Variants in PDE11A observed in about 807,000 individuals in gnomAD.
PDE11A encodes dual 3',5'-cyclic-AMP and -GMP phosphodiesterase 11A.
A neutral mutation model predicts 100.5 loss-of-function variants in PDE11A; 100 were observed. That is an observed-to-expected ratio of 1.00 (90% CI 0.85 to 1.18). The LOEUF is 1.18. Among genes scored for constraint, PDE11A ranks in the 50% most tolerant of loss-of-function variants. The pLI is 0.00. For missense variants in PDE11A, 1,141 were observed against 1,152.6 expected (o/e 0.99, Z 0.15); for synonymous variants, 381 against 420.8 (o/e 0.91, Z 1.16).
Position 177,957,497 on chromosome 2 carries a change from A to T in PDE11A, c.1072-52310T>A, listed in dbSNP as rs568060434. ...AAATCCCATTATGTAGTACATTGTGATTTTTAAACCATTTTTGTCTGGAAA... is the reference window on the plus strand; with the variant it reads ...AAATCCCATTATGTAGTACATTGTGTTTTTTAAACCATTTTTGTCTGGAAA... On this transcript the variant is annotated intron_variant, in intron 2 of 19. Transcript: ENST00000286063. Among the ~76,000 whole-genome samples the T allele has an allele frequency of 2.0e-5, 3 of 152,304 alleles. No individual in the cohort carries two copies. In the South Asian group the frequency reaches 6.2e-4, roughly 32 times the overall value.
chr2:177,883,192 C>A (rs1433952459), intron 4 of PDE11A, among the ~76,000 whole-genome samples: 1 of 151,344 alleles, frequency 6.6e-6, no homozygotes, highest in Non-Finnish European at 1.5e-5. Context: ...TCGTTTGAAT[C>A]TGGGAAGTGG....
At chr2:177,868,666 G>A (rs189533151) in intron 5 of PDE11A, among the ~76,000 whole-genome samples, 1 of 152,232 alleles carries the variant, frequency 6.6e-6, no homozygotes, top group East Asian at 1.9e-4. Flanking sequence ...AAGCCATCAG[G>A]ATATTAATGA....
intron 19 of PDE11A, among the ~76,000 whole-genome samples, chr2:177,641,768 C>T (rs2080147509): frequency 6.6e-6 from 1 of 152,134 alleles, no homozygotes; most frequent in Non-Finnish European, 1.5e-5. Context: ...TAAGCATTCA[C>T]ATTAAAGATA....
At position 177,889,653 on chromosome 2, in the gene PDE11A, A is replaced by G. The variant is rs79335159; in HGVS notation, c.1302+8405T>C. 3.3e-3 allele frequency among the ~76,000 whole-genome samples: 488 copies of G among 150,052 alleles called. 7 individuals carry two copies. The highest frequency in any genetic ancestry group is 0.014 in the East Asian group (73 of 5,106). On this transcript the variant is annotated intron_variant, in intron 4 of 19. Coordinates refer to ENST00000286063, the MANE Select transcript of PDE11A (RefSeq NM_016953.4). ...TTTGTGTGCCTAAAAGTATTTTAGA[A>G]GTATTATTTCTTCTTGTTTTTAATC...
intron 12 of PDE11A, among the ~76,000 whole-genome samples, chr2:177,715,131 T>C (rs2081418021): frequency 6.6e-6 from 1 of 152,236 alleles, no homozygotes; most frequent in African/African-American, 2.4e-5. Flanking sequence ...TTCGAGGATT[T>C]GCATGACTGA....
At chr2:177,723,204 G>T (rs1457977332) in intron 12 of PDE11A, 7 of 152,228 alleles carry the variant, frequency 4.6e-5, no homozygotes, top group Admixed American at 1.3e-4. Context: ...CCTCAAGCTG[G>T]TAAATAGGAT....
intron 1 of PDE11A, among the ~76,000 whole-genome samples, chr2:178,061,475 G>A (rs2086968821): frequency 6.6e-6 from 1 of 152,088 alleles, no homozygotes; most frequent in Non-Finnish European, 1.5e-5. Flanking sequence ...TCAGTCTTGA[G>A]ACAAAATAAA....
In PDE11A at chr2:177,820,309, A is replaced by G. The variant is rs778900996; in HGVS notation, c.1501-14T>C. The stretch of plus-strand genomic sequence containing the variant: ...TATCTGGTCTGCCTAGGAAACAAGA[A>G]AGAAGTTAATTAAAATTGAATATTA... On this transcript the variant is annotated splice_polypyrimidine_tract_variant and intron_variant, in intron 6 of 19. Transcript: ENST00000286063. 4.5e-5 allele frequency: 65 copies of G among 1,455,030 alleles called. No individual in the cohort carries two copies. The highest frequency in any genetic ancestry group is 5.6e-5 in the Non-Finnish European group (58 of 1,036,688). 90.1% of individuals were successfully genotyped at this position (1,455,030 alleles called of 1,614,324 possible). A position where few individuals can be genotyped will look rare whatever the true frequency, so the allele number is the denominator to read the frequency against.
At chr2:177,900,391 A>G (rs1226712221) in intron 3 of PDE11A, among the ~76,000 whole-genome samples, 1 of 152,228 alleles carries the variant, frequency 6.6e-6, no homozygotes, top group African/African-American at 2.4e-5. Flanking sequence ...TTCAACTTCA[A>G]TAATGAATTT....
chr2:177,872,072 C>G (rs889282480), intron 5 of PDE11A, among the ~76,000 whole-genome samples: 4 of 152,138 alleles, frequency 2.6e-5, no homozygotes, highest in African/African-American at 9.7e-5. Context: ...CCACTCCCAC[C>G]ACTGTTCATT....
intron 1 of PDE11A, among the ~76,000 whole-genome samples, chr2:178,046,908 A>G (rs2086758739): frequency 6.6e-6 from 1 of 152,194 alleles, no homozygotes; most frequent in Non-Finnish European, 1.5e-5. Flanking sequence ...CTATAAAAGA[A>G]TTATAGGTTG....
At position 177,728,145 on chromosome 2, in the gene PDE11A, G is replaced by A; in HGVS notation, c.1816C>T (p.Leu606Phe). The change falls in exon 11 of 20, where the codon CTT (leucine) becomes TTT (phenylalanine). Residue 606 changes from leucine to phenylalanine, a missense_variant. Leu to Phe is a conservative substitution (Grantham distance 22). Transcript: ENST00000286063. ...KAANIPLVSELAIDDIHFDDF... is the reference protein window; with the variant it reads ...KAANIPLVSEFAIDDIHFDDF... ...TCAAAATGAATGTCATCGATGGCAAGTTCTGACACCAGAGGGATGTTGGCT... is the reference window on the plus strand; with the variant it reads ...TCAAAATGAATGTCATCGATGGCAAATTCTGACACCAGAGGGATGTTGGCT... The A allele has an allele frequency of 1.9e-6, 3 of 1,613,232 alleles. No homozygotes were observed. Among genetic ancestry groups the A allele is most frequent in the Non-Finnish European group, 2.5e-6 (3 of 1,179,386 alleles).
intron 19 of PDE11A, among the ~76,000 whole-genome samples, chr2:177,643,205 T>G (rs2091442): frequency 0.86 from 131,412 of 152,208 alleles, 56,883 homozygotes; most frequent in East Asian, 0.98. Flanking sequence ...AACAGGCAGA[T>G]TTTGGAACAA....
At chr2:177,720,405 A>G (rs1266741321) in intron 12 of PDE11A, among the ~76,000 whole-genome samples, 1 of 152,176 alleles carries the variant, frequency 6.6e-6, no homozygotes. Flanking sequence ...AAGGGGAAGA[A>G]CAGGTATGCA....
intron 2 of PDE11A, among the ~76,000 whole-genome samples, chr2:177,919,338 C>A (rs2085003457): frequency 6.6e-6 from 1 of 152,050 alleles, no homozygotes; most frequent in Non-Finnish European, 1.5e-5. Flanking sequence ...ACCTCGTGAT[C>A]CGCCCACCTC....
intron 1 of PDE11A, among the ~76,000 whole-genome samples, chr2:178,067,463 C>T (rs536389493): frequency 6.6e-5 from 10 of 152,098 alleles, no homozygotes; most frequent in Admixed American, 6.5e-4. Context: ...CAAATTAAAC[C>T]ACTCACTCTC....
intron 19 of PDE11A, among the ~76,000 whole-genome samples, chr2:177,648,978 G>T (rs115518205): frequency 0.017 from 2,526 of 152,036 alleles, 60 homozygotes; most frequent in African/African-American, 0.056. Flanking sequence ...ATTTACAGAA[G>T]AAATACAAAT....
chr2:177,727,786 T>C (rs1407721465), intron 11 of PDE11A, 21 bp from the exon 12 acceptor site: 18 of 1,416,038 alleles, frequency 1.3e-5, no homozygotes, highest in Non-Finnish European at 1.8e-5. Flanking sequence ...AGGGAGAGGG[T>C]GCGTCAGGCA....
At chr2:177,664,313 T>C (rs1463593932) in intron 18 of PDE11A, among the ~76,000 whole-genome samples, 3 of 152,192 alleles carry the variant, frequency 2.0e-5, no homozygotes, top group Admixed American at 2.0e-4. Flanking sequence ...TGCAGGCTTT[T>C]ATTTCTGCAT....
Sources: gnomAD v4.1 joint callset for allele counts (sites outside exome capture counted in the v4.1 genomes callset) on GRCh38, gnomAD v4.1.1 for gene constraint, MANE v1.5 for transcripts, NCBI Gene and HGNC (gene_info 2026-07-23, HGNC 2026-07-21) for gene names.